PSMA3: variants seen among roughly 807,000 people sequenced by gnomAD.
The protein encoded by PSMA3 is proteasome subunit alpha type-3.
PSMA3 carries 8 observed loss-of-function variants against 40.0 expected under a neutral mutation model. That is an observed-to-expected ratio of 0.20 (90% CI 0.12 to 0.36). PSMA3 has a LOEUF of 0.36. Among genes scored for constraint, PSMA3 ranks in the 10% least tolerant of loss-of-function variants. PSMA3 has a pLI of 1.00. For missense variants in PSMA3, 219 were observed against 310.6 expected, an observed-to-expected ratio of 0.70 and a Z score of 2.22; for synonymous variants, 110 against 100.0, an observed-to-expected ratio of 1.10 and a Z score of -0.59.
intron 1 of PSMA3, among the ~76,000 whole-genome samples, chr14:58,246,010 T>G (rs1889872316): frequency 6.6e-6 from 1 of 152,238 alleles, no homozygotes; most frequent in African/African-American, 2.4e-5. Flanking sequence ...TAATAGTATT[T>G]CATTCTACAA....
intron 2 of PSMA3, among the ~76,000 whole-genome samples, chr14:58,248,373 G>A (rs749638662): frequency 6.6e-6 from 1 of 152,092 alleles, no homozygotes; most frequent in Non-Finnish European, 1.5e-5. Flanking sequence ...GGGATTACAG[G>A]CATGTGCCAC....
intron 8 of PSMA3, chr14:58,267,793 A>G (rs1233902529): frequency 3.2e-6 from 1 of 316,192 alleles, no homozygotes; most frequent in African/African-American, 2.2e-5. Flanking sequence ...TTAATTTGTT[A>G]GCTCCCAACT....
intron 2 of PSMA3, among the ~76,000 whole-genome samples, chr14:58,249,992 G>A (rs1182813610): frequency 1.3e-5 from 2 of 152,102 alleles, no homozygotes; most frequent in African/African-American, 4.8e-5. Flanking sequence ...GCTGAGGCAG[G>A]TGTATTGCTT....
At chr14:58,247,856 TAC>T (rs762360794) in intron 2 of PSMA3, 24 bp downstream of exon 2, 1 of 1,465,464 alleles carries the variant, frequency 6.8e-7, no homozygotes, top group Admixed American at 1.9e-5. Context: ...AACCAGGTAT[TAC>T]ATGTCTCCTT....
At chr14:58,268,940 CTTTTTT>C (rs200715859) in intron 8 of PSMA3, 3 of 147,164 alleles carry the variant, frequency 2.0e-5, no homozygotes, top group African/African-American at 7.4e-5. Context: ...TAATTTGATA[CTTTTTT>C]TTTTTTGAGA....
chr14:58,264,433 T>TG (rs1296129967), intron 7 of PSMA3, among the ~76,000 whole-genome samples: 6 of 152,194 alleles, frequency 3.9e-5, no homozygotes, highest in African/African-American at 1.4e-4. Flanking sequence ...CTTAAAAACT[T>TG]GGTTTTCCTT....
At chr14:58,252,030 G>A in intron 2 of PSMA3, 89 bp from the exon 3 acceptor site, 1 of 1,374,788 alleles carries the variant, frequency 7.3e-7, no homozygotes, top group Non-Finnish European at 9.9e-7. Context: ...TGCCTTAAAT[G>A]TTACTTATTT....
chr14:58,250,236 A>AAAAAAAAC (rs1889978560), intron 2 of PSMA3, among the ~76,000 whole-genome samples: 1 of 150,638 alleles, frequency 6.6e-6, no homozygotes, highest in Non-Finnish European at 1.5e-5. Flanking sequence ...AAAAAAAAAA[A>AAAAAAAAC]TAGGGACAGA....
intron 3 of PSMA3, among the ~76,000 whole-genome samples, chr14:58,255,721 A>T (rs1890128663): frequency 6.6e-6 from 1 of 152,136 alleles, no homozygotes; most frequent in Non-Finnish European, 1.5e-5. Context: ...GTGAGCCGCG[A>T]TTGCACCACT....
chr14:58,265,214 G>A (rs1265826389), intron 7 of PSMA3: 1 of 152,242 alleles, frequency 6.6e-6, no homozygotes, highest in African/African-American at 2.4e-5. Flanking sequence ...AGTGAGCTAT[G>A]ATCACGCCAC....
intron 1 of PSMA3, among the ~76,000 whole-genome samples, chr14:58,246,798 A>C (rs577502252): frequency 1.2e-3 from 185 of 152,196 alleles, no homozygotes; most frequent in African/African-American, 4.4e-3. Flanking sequence ...TCTTTGGAAC[A>C]CCTTATCTTT....
chr14:58,270,740 A>G (rs1450388471), intron 9 of PSMA3, among the ~76,000 whole-genome samples, 194 bp from the exon 10 acceptor site: 3 of 152,368 alleles, frequency 2.0e-5, no homozygotes, highest in Non-Finnish European at 4.4e-5. Flanking sequence ...TTTCATTTCC[A>G]TAAGAACTTA....
chr14:58,265,940 G>A (rs1369569873), intron 7 of PSMA3: 3 of 152,120 alleles, frequency 2.0e-5, no homozygotes, highest in Non-Finnish European at 4.4e-5. Flanking sequence ...AAAAGCTGCA[G>A]GCGTAATATT....
chr14:58,246,469 G>A (rs1485454915), intron 1 of PSMA3, among the ~76,000 whole-genome samples: 2 of 152,140 alleles, frequency 1.3e-5, no homozygotes, highest in Non-Finnish European at 2.9e-5. Context: ...CACGATCTTG[G>A]CTCACTGCAA....
intron 2 of PSMA3, 87 bp downstream of exon 2, chr14:58,247,919 A>G: frequency 1.2e-6 from 1 of 822,142 alleles, no homozygotes; most frequent in African/African-American, 1.7e-5. Flanking sequence ...CTTTGGTACA[A>G]ATTAGTATAT....
At chr14:58,253,065 G>C (rs1293431174) in intron 3 of PSMA3, among the ~76,000 whole-genome samples, 2 of 150,468 alleles carry the variant, frequency 1.3e-5, no homozygotes, top group African/African-American at 4.9e-5. Flanking sequence ...GCTTATTGCA[G>C]CCTCTGCCTC....
intron 2 of PSMA3, 61 bp downstream of exon 2, chr14:58,247,893 A>T: frequency 8.7e-7 from 1 of 1,150,930 alleles, no homozygotes; most frequent in Non-Finnish European, 1.3e-6. Flanking sequence ...TTTGGCGATT[A>T]GGCTTTGTTA....
At chr14:58,255,942 T>G (rs1890134245) in intron 3 of PSMA3, among the ~76,000 whole-genome samples, 1 of 152,164 alleles carries the variant, frequency 6.6e-6, no homozygotes, top group African/African-American at 2.4e-5. Flanking sequence ...CACTGCAGCC[T>G]CCGCCTCCCG....
At chr14:58,254,660 G>C (rs1362504734) in intron 3 of PSMA3, among the ~76,000 whole-genome samples, 1 of 151,844 alleles carries the variant, frequency 6.6e-6, no homozygotes, top group African/African-American at 2.4e-5. Flanking sequence ...AAGAGGGCTG[G>C]AGAAAATTAA....
Sources: gnomAD v4.1 joint callset for allele counts (sites outside exome capture counted in the v4.1 genomes callset) on GRCh38, gnomAD v4.1.1 for gene constraint, MANE v1.5 for transcripts, NCBI Gene and HGNC (gene_info 2026-07-23, HGNC 2026-07-21) for gene names.